The following STEAP3 variants were observed in gnomAD, a reference collection of about 807,000 sequenced individuals.
STEAP3 encodes the protein STEAP3 metalloreductase, also known as metalloreductase STEAP3.
In STEAP3, 35 loss-of-function variants were observed where a neutral mutation model predicts 34.9. The observed-to-expected ratio is 1.00, with a 90% CI of 0.76 to 1.33. STEAP3 has a LOEUF of 1.33. Ranked by LOEUF, STEAP3 falls within the 40% of genes most tolerant of loss-of-function variation. The probability of loss-of-function intolerance (pLI) is 0.00; values close to 1 mark genes in which losing one functional copy is unlikely to be tolerated. For missense variants in STEAP3, 652 were observed against 667.6 expected, an observed-to-expected ratio of 0.98 and a Z score of 0.26; for synonymous variants, 281 against 301.6, an observed-to-expected ratio of 0.93 and a Z score of 0.71.
At position 119,247,720 on chromosome 2, in the gene STEAP3, C is replaced by T; in HGVS notation, c.564C>T (p.Val188=). Residue 188 remains valine, a synonymous_variant, in exon 4 of 6, where the codon GTC becomes GTT. Transcript: ENST00000393110. ...CGDQPEAKRA[V]SEMALAMGFM... is the part of the protein sequence containing the mutation. ...ACCAGCCAGAAGCCAAGCGTGCTGT[C>T]TCGGAGATGGCGCTCGCCATGGGCT... The T allele has an allele frequency of 6.4e-7, 1 of 1,571,182 alleles. No individual in the cohort carries two copies. The highest frequency in any genetic ancestry group is 8.6e-7 in the Non-Finnish European group (1 of 1,161,388).
At chr2:119,226,250 G>T (rs2104782547) in intron 1 of STEAP3, among the ~76,000 whole-genome samples, 1 of 152,290 alleles carries the variant, frequency 6.6e-6, no homozygotes, top group South Asian at 2.1e-4. Flanking sequence ...CAGGTCATTT[G>T]GGGAGTCGGG....
chr2:119,244,122 A>G (rs1274853250), intron 2 of STEAP3, among the ~76,000 whole-genome samples: 2 of 152,224 alleles, frequency 1.3e-5, no homozygotes, highest in Non-Finnish European at 2.9e-5. Context: ...TTTTTTAAAA[A>G]AGACTACAGT....
At chr2:119,231,652 G>A (rs1043180663) in intron 2 of STEAP3, among the ~76,000 whole-genome samples, 4 of 152,018 alleles carry the variant, frequency 2.6e-5, no homozygotes, top group African/African-American at 9.7e-5. Context: ...ATTTCTGCGG[G>A]GATTGGCTCG....
intron 4 of STEAP3, among the ~76,000 whole-genome samples, chr2:119,249,324 G>A (rs1677552449): frequency 6.6e-6 from 1 of 152,148 alleles, no homozygotes; most frequent in African/African-American, 2.4e-5. Context: ...ACAGGCCCCT[G>A]ATGCTCCCTC....
rs1558756505 is a variant in STEAP3 at position 119,254,754 on chromosome 2, GAGTGCTGGCCCTC to G, written c.1122_1134del (p.Val375AlafsTer8). 1 of 1,614,152 alleles carries G rather than the reference GAGTGCTGGCCCTC, an allele frequency of 6.2e-7. No homozygotes were observed. Among genetic ancestry groups the G allele is most frequent in the Non-Finnish European group, 8.5e-7 (1 of 1,180,024 alleles). On this transcript the variant is annotated frameshift_variant, in exon 5 of 6. Transcript: ENST00000393110. LOFTEE classifies it high-confidence loss of function. ...CGGATGGAGATCTACCTCTCCCTGGGAGTGCTGGCCCTCGGCACGTTGTCCCTGCTGGCCGTGA... is the reference window on the plus strand; with the variant it reads ...CGGATGGAGATCTACCTCTCCCTGGGGGCACGTTGTCCCTGCTGGCCGTGA...
At chr2:119,261,961 C>G (rs1304430749) in intron 5 of STEAP3, among the ~76,000 whole-genome samples, 1 of 152,200 alleles carries the variant, frequency 6.6e-6, no homozygotes, top group South Asian at 2.1e-4. Context: ...TCCCAACGGT[C>G]ACTAATCTCC....
intron 2 of STEAP3, among the ~76,000 whole-genome samples, chr2:119,235,723 T>C (rs1267861905): frequency 6.6e-6 from 1 of 152,224 alleles, no homozygotes; most frequent in East Asian, 1.9e-4. Context: ...AAGAAAACAG[T>C]ACTGTCCAGT....
In STEAP3 at chr2:119,265,302, G is replaced by C. The variant is rs1678077283; in HGVS notation, c.*1964G>C. ...CACCTCTGGCTGAAGGTGCTCAAGAGGGAAGCAATTATAAGGTGGGTGGCA... is the reference window on the plus strand; with the variant it reads ...CACCTCTGGCTGAAGGTGCTCAAGACGGAAGCAATTATAAGGTGGGTGGCA... On this transcript the variant is annotated 3_prime_UTR_variant, in exon 6 of 6. Coordinates refer to ENST00000393110, the MANE Select transcript of STEAP3 (RefSeq NM_182915.3). 6.6e-6 allele frequency: 1 copy of C among 152,246 alleles called. No homozygotes were observed. Among genetic ancestry groups the C allele is most frequent in the African/African-American group, 2.4e-5 (1 of 41,444 alleles). The allele number at this position is 152,246 out of a possible 1,614,324, so 9.4% of individuals were successfully genotyped here.
intron 5 of STEAP3, among the ~76,000 whole-genome samples, chr2:119,256,382 C>T (rs936427285): frequency 9.9e-5 from 15 of 152,192 alleles, no homozygotes; most frequent in Non-Finnish European, 1.5e-4. Context: ...CCCCATGTGT[C>T]TCATACCCAA....
chr2:119,227,774 G>A (rs995790376), intron 1 of STEAP3, among the ~76,000 whole-genome samples: 4 of 152,106 alleles, frequency 2.6e-5, no homozygotes, highest in African/African-American at 4.8e-5. Context: ...AAGCCAGCAT[G>A]CTGGGGTCTG....
intron 2 of STEAP3, among the ~76,000 whole-genome samples, chr2:119,236,984 C>T (rs1677110613): frequency 6.6e-6 from 1 of 152,212 alleles, no homozygotes; most frequent in African/African-American, 2.4e-5. Context: ...ATAAGCCTCA[C>T]TTGTCCAGAG....
At position 119,245,301 on chromosome 2, in the gene STEAP3, C is replaced by G. The variant is rs978231948; in HGVS notation, c.23-188C>G. On this transcript the variant is annotated intron_variant, in intron 2 of 5. Coordinates refer to ENST00000393110, the MANE Select transcript of STEAP3 (RefSeq NM_182915.3). Reference sequence around the variant, plus strand: ...CATCCCTGCTCTTCCTGAGTCTGTGCTCTCCCCAGGGAAGGGGCTGTGTTG... The same window carrying G: ...CATCCCTGCTCTTCCTGAGTCTGTGGTCTCCCCAGGGAAGGGGCTGTGTTG... The G allele has an allele frequency of 3.6e-5, 27 of 739,894 alleles. No homozygotes were observed. In the African/African-American group the frequency reaches 4.7e-4, roughly 13 times the overall value. The allele number at this position is 739,894 out of a possible 1,614,324, so 45.8% of individuals were successfully genotyped here. A position where few individuals can be genotyped will look rare whatever the true frequency, so the allele number is the denominator to read the frequency against.
chr2:119,250,490 A>G (rs993865508), intron 4 of STEAP3, among the ~76,000 whole-genome samples: 2 of 152,190 alleles, frequency 1.3e-5, no homozygotes, highest in Non-Finnish European at 2.9e-5. Flanking sequence ...ACTTCTACAA[A>G]GCACCAGCCC....
chr2:119,240,887 A>G (rs1406116027), intron 2 of STEAP3, among the ~76,000 whole-genome samples: 1 of 152,174 alleles, frequency 6.6e-6, no homozygotes, highest in Non-Finnish European at 1.5e-5. Flanking sequence ...CCGCAGGGAC[A>G]GGCCTCTGGG....
intron 2 of STEAP3, among the ~76,000 whole-genome samples, chr2:119,243,496 T>C (rs550405661): frequency 6.6e-6 from 1 of 152,278 alleles, no homozygotes; most frequent in Admixed American, 6.5e-5. Flanking sequence ...TGAGCCTCAG[T>C]TCCCTCCTCT....
intron 2 of STEAP3, among the ~76,000 whole-genome samples, chr2:119,242,628 G>A (rs1677282225): frequency 6.6e-6 from 1 of 152,200 alleles, no homozygotes; most frequent in South Asian, 2.1e-4. Flanking sequence ...GCCAGTGTTT[G>A]CTTAGTGATT....
intron 3 of STEAP3, chr2:119,246,367 C>A: frequency 5.0e-6 from 1 of 198,478 alleles, no homozygotes; most frequent in South Asian, 1.1e-4. Context: ...TGTACCCGGC[C>A]CTGAGGAAGG....
intron 5 of STEAP3, among the ~76,000 whole-genome samples, chr2:119,259,172 C>T (rs1677870961): frequency 6.6e-6 from 1 of 152,212 alleles, no homozygotes; most frequent in Non-Finnish European, 1.5e-5. Context: ...CTGACCCCAG[C>T]TTCATGAGCA....
chr2:119,261,955 A>C (rs6720040), intron 5 of STEAP3, among the ~76,000 whole-genome samples: 86,644 of 152,008 alleles, frequency 0.57, 25,014 homozygotes, highest in Middle Eastern at 0.63. Flanking sequence ...CTCTTCTCCC[A>C]ACGGTCACTA....
Sources: allele counts gnomAD v4.1 joint callset (sites outside exome capture counted in the v4.1 genomes callset), GRCh38; gene constraint gnomAD v4.1.1; transcripts MANE v1.5; gene names NCBI Gene and HGNC (gene_info 2026-07-23, HGNC 2026-07-21).